The following TECRL variants were observed in gnomAD, a reference collection of about 807,000 sequenced individuals.
TECRL encodes trans-2,3-enoyl-CoA reductase-like.
Under a neutral mutation model 52.8 loss-of-function variants are expected in TECRL, and 63 were observed. The observed-to-expected ratio is 1.19, with a 90% CI of 0.97 to 1.47. TECRL has a LOEUF of 1.47. TECRL is among the 40% of genes most tolerant of loss of function. The pLI, the probability that TECRL is intolerant of heterozygous loss-of-function variation, is 0.00. For synonymous variants in TECRL, 164 were observed against 141.9 expected, an observed-to-expected ratio of 1.16 and a Z score of -1.10; for missense variants, 482 against 429.6, an observed-to-expected ratio of 1.12 and a Z score of -1.08.
At position 64,409,423 on chromosome 4, in the gene TECRL, A is replaced by T. The variant is rs1724963742; in HGVS notation, c.-72T>A. 6.4e-7 allele frequency: 1 copy of T among 1,559,646 alleles called. No homozygotes were observed. The highest frequency in any genetic ancestry group is 1.4e-5 in the African/African-American group (1 of 73,378). ...CAAGTGTGTTCCTTTTGCATCAGTT[A>T]AATACTGCTGGAGAACCTTTGAAAG... On this transcript the variant is annotated 5_prime_UTR_variant, in exon 1 of 12. Transcript: ENST00000381210.
intron 8 of TECRL, among the ~76,000 whole-genome samples, chr4:64,298,392 A>G (rs1723807896): frequency 6.6e-6 from 1 of 151,228 alleles, no homozygotes. Context: ...CAGTAGCTTT[A>G]TAAGAAAGCA....
At chr4:64,403,483 A>G (rs1293941266) in intron 1 of TECRL, among the ~76,000 whole-genome samples, 1 of 151,762 alleles carries the variant, frequency 6.6e-6, no homozygotes, top group Non-Finnish European at 1.5e-5. Context: ...GCGCACACAC[A>G]CACACACACA....
chr4:64,344,524 G>A (rs28470988), intron 2 of TECRL, among the ~76,000 whole-genome samples: 78 of 152,276 alleles, frequency 5.1e-4, no homozygotes, highest in African/African-American at 1.9e-3. Flanking sequence ...TGAGGTGAGA[G>A]ACTTTACACT....
At chr4:64,348,569 G>A (rs1383580713) in intron 2 of TECRL, among the ~76,000 whole-genome samples, 2 of 151,888 alleles carry the variant, frequency 1.3e-5, no homozygotes, top group East Asian at 1.9e-4. Context: ...CTTTTTTCCG[G>A]TGCTGTCATT....
intron 1 of TECRL, among the ~76,000 whole-genome samples, chr4:64,399,014 C>T (rs756276069): frequency 6.6e-6 from 1 of 152,094 alleles, no homozygotes; most frequent in South Asian, 2.1e-4. Context: ...ATGATGCAAG[C>T]GTGTGTAGCC....
At chr4:64,376,757 C>G (rs1310671738) in intron 1 of TECRL, among the ~76,000 whole-genome samples, 1 of 151,910 alleles carries the variant, frequency 6.6e-6, no homozygotes, top group Non-Finnish European at 1.5e-5. Flanking sequence ...ATATGTGTTC[C>G]TCTCACACTT....
intron 1 of TECRL, among the ~76,000 whole-genome samples, chr4:64,376,940 G>A (rs1722439494): frequency 1.3e-5 from 2 of 152,034 alleles, no homozygotes; most frequent in East Asian, 1.9e-4. Context: ...GTGCAAACAC[G>A]TAAAACCAGA....
chr4:64,372,531 T>C (rs1159914676), intron 2 of TECRL, among the ~76,000 whole-genome samples: 3 of 151,570 alleles, frequency 2.0e-5, no homozygotes, highest in Non-Finnish European at 4.4e-5. Flanking sequence ...AACTTAAAAA[T>C]TACAAACCTT....
chr4:64,312,133 C>G (rs1399463667), intron 5 of TECRL, among the ~76,000 whole-genome samples: 2 of 152,130 alleles, frequency 1.3e-5, no homozygotes, highest in Non-Finnish European at 2.9e-5. Context: ...AATCTGCCTT[C>G]TACATGAACT....
intron 1 of TECRL, among the ~76,000 whole-genome samples, chr4:64,399,388 A>G (rs1331913961): frequency 2.0e-5 from 3 of 151,450 alleles, no homozygotes; most frequent in East Asian, 3.9e-4. Flanking sequence ...CACGGCATAG[A>G]AAAAAAAAGA....
chr4:64,299,766 G>C (rs1473246539), intron 8 of TECRL, among the ~76,000 whole-genome samples: 1 of 150,686 alleles, frequency 6.6e-6, no homozygotes, highest in Non-Finnish European at 1.5e-5. Flanking sequence ...TCAACCTTTA[G>C]AGATGACTAC....
At chr4:64,343,376 C>T (rs1719722052) in intron 2 of TECRL, among the ~76,000 whole-genome samples, 1 of 151,926 alleles carries the variant, frequency 6.6e-6, no homozygotes, top group African/African-American at 2.4e-5. Context: ...ATACTGATAC[C>T]ATTACCCTAT....
intron 7 of TECRL, 48 bp from the exon 8 acceptor site, chr4:64,300,065 T>C: frequency 7.1e-7 from 1 of 1,410,312 alleles, no homozygotes; most frequent in Non-Finnish European, 9.7e-7. Context: ...ATAGTTTGGA[T>C]TGTCAAATAT....
At chr4:64,313,136 G>T (rs1717179594) in intron 5 of TECRL, among the ~76,000 whole-genome samples, 1 of 152,178 alleles carries the variant, frequency 6.6e-6, no homozygotes, top group Non-Finnish European at 1.5e-5. Flanking sequence ...AAGGAGGTCA[G>T]TGTGGCTGGA....
At chr4:64,284,224 G>A (rs1722973654) in intron 9 of TECRL, among the ~76,000 whole-genome samples, 1 of 152,034 alleles carries the variant, frequency 6.6e-6, no homozygotes, top group Non-Finnish European at 1.5e-5. Context: ...CTGGAAGCAT[G>A]AACAAAGCAA....
intron 5 of TECRL, 68 bp downstream of exon 5, chr4:64,314,577 CCTT>C (rs1180989123): frequency 1.1e-5 from 13 of 1,167,922 alleles, no homozygotes; most frequent in African/African-American, 1.6e-5. Flanking sequence ...TTCATCCCCT[CCTT>C]AACGTGTATG....
chr4:64,333,813 G>T (rs1284004276), intron 2 of TECRL, among the ~76,000 whole-genome samples: 4 of 126,492 alleles, frequency 3.2e-5, no homozygotes, highest in Non-Finnish European at 6.6e-5. Flanking sequence ...GAGGTCAGGA[G>T]ATCGAGACCA....
chr4:64,397,120 T>G (rs1251514286), intron 1 of TECRL, among the ~76,000 whole-genome samples: 1 of 152,072 alleles, frequency 6.6e-6, no homozygotes, highest in African/African-American at 2.4e-5. Flanking sequence ...AAAAAAAAAT[T>G]TATCTTGAAC....
intron 1 of TECRL, among the ~76,000 whole-genome samples, chr4:64,395,376 G>A (rs891033317): frequency 5.3e-5 from 8 of 151,874 alleles, no homozygotes; most frequent in African/African-American, 1.5e-4. Context: ...AATTTTATGA[G>A]GAAAGAAAGT....
Sources: gnomAD v4.1 joint callset for allele counts (sites outside exome capture counted in the v4.1 genomes callset) on GRCh38, gnomAD v4.1.1 for gene constraint, MANE v1.5 for transcripts, NCBI Gene and HGNC (gene_info 2026-07-23, HGNC 2026-07-21) for gene names.